Variants in FEZ2 observed in about 807,000 individuals in gnomAD.
FEZ2 encodes the protein fasciculation and elongation protein zeta-2.
Under a neutral mutation model 40.4 loss-of-function variants are expected in FEZ2, and 51 were observed. The observed-to-expected ratio is 1.26, with a 90% CI of 1.01 to 1.59. The LOEUF is 1.59. Among genes scored for constraint, FEZ2 ranks in the 40% most tolerant of loss-of-function variants. The pLI is 0.00. For synonymous variants in FEZ2, 242 were observed against 172.0 expected, an observed-to-expected ratio of 1.41 and a Z score of -3.18; for missense variants, 640 against 438.3, an observed-to-expected ratio of 1.46 and a Z score of -4.11.
In FEZ2 at chr2:36,563,721, A is replaced by C. The variant is rs534590226; in HGVS notation, c.904-5208T>G. Among the ~76,000 whole-genome samples, 8 of 152,090 alleles carry C rather than the reference A, an allele frequency of 5.3e-5. No individual in the cohort carries two copies. In the South Asian group the frequency reaches 1.2e-3, roughly 24 times the overall value. Reference sequence around the variant, plus strand: ...AACCCTCAACCTCTTTCCTTTCCCAAGGTTTTCCTGAAACAGCTCTTCCCA... The same window carrying C: ...AACCCTCAACCTCTTTCCTTTCCCACGGTTTTCCTGAAACAGCTCTTCCCA... On this transcript the variant is annotated intron_variant, in intron 5 of 7. Coordinates refer to ENST00000405912, the MANE Select transcript of FEZ2 (RefSeq NM_005102.3).
chr2:36,556,438 C>T (rs1667963507), intron 6 of FEZ2: 2 of 152,666 alleles, frequency 1.3e-5, no homozygotes, highest in Admixed American at 1.3e-4. Flanking sequence ...TTGAGATAAA[C>T]TCACAAATAT....
At position 36,552,464 on chromosome 2, in the gene FEZ2, A is replaced by G. The variant is rs200898555; in HGVS notation, c.*699T>C. The G allele has an allele frequency of 2.5e-5, 5 of 203,634 alleles. No homozygotes were observed. Among genetic ancestry groups the G allele is most frequent in the African/African-American group, 2.0e-4 (5 of 25,436 alleles). The allele number at this position is 203,634 out of a possible 1,614,324, so 12.6% of individuals were successfully genotyped here. A position where few individuals can be genotyped will look rare whatever the true frequency, so the allele number is the denominator to read the frequency against. ...CAAGCACCTCAGAGGACACACACTT[A>G]AAGTACAATTCTTCACAGACACATG... On this transcript the variant is annotated 3_prime_UTR_variant, in exon 8 of 8. Transcript: ENST00000405912.
intron 3 of FEZ2, among the ~76,000 whole-genome samples, chr2:36,582,939 G>A (rs756880170): frequency 7.9e-5 from 12 of 152,294 alleles, no homozygotes; most frequent in African/African-American, 1.4e-4. Flanking sequence ...TCTTTCTGGG[G>A]CACACAATAT....
At chr2:36,577,535 C>T (rs995050773) in intron 5 of FEZ2, among the ~76,000 whole-genome samples, 2 of 152,006 alleles carry the variant, frequency 1.3e-5, no homozygotes, top group African/African-American at 4.8e-5. Context: ...ATTACAGGCG[C>T]GAGCCACCGT....
At chr2:36,593,086 G>C (rs1669116186) in intron 1 of FEZ2, among the ~76,000 whole-genome samples, 1 of 152,174 alleles carries the variant, frequency 6.6e-6, no homozygotes, top group Admixed American at 6.5e-5. Flanking sequence ...TTCAAACACT[G>C]AATGACTGTA....
At chr2:36,597,319 C>T (rs1669256169) in intron 1 of FEZ2, among the ~76,000 whole-genome samples, 1 of 152,202 alleles carries the variant, frequency 6.6e-6, no homozygotes, top group South Asian at 2.1e-4. Flanking sequence ...TCGTTCCTTA[C>T]TCTCCCCAAG....
intron 1 of FEZ2, chr2:36,594,608 C>G (rs1669160000): frequency 6.5e-6 from 1 of 153,468 alleles, no homozygotes; most frequent in Non-Finnish European, 1.4e-5. Context: ...TTACCTCCCC[C>G]TGGATCCCTC....
At chr2:36,581,564 G>C (rs1490871230) in intron 3 of FEZ2, 133 bp from the exon 4 acceptor site, 11 of 715,800 alleles carry the variant, frequency 1.5e-5, no homozygotes, top group Non-Finnish European at 2.6e-5. Flanking sequence ...GTTCAGGTGT[G>C]GATGCTCCAA....
intron 5 of FEZ2, among the ~76,000 whole-genome samples, chr2:36,562,823 T>C (rs952030422): frequency 1.3e-5 from 2 of 152,264 alleles, no homozygotes; most frequent in Non-Finnish European, 2.9e-5. Flanking sequence ...TAAATTATTT[T>C]CATAAAATAT....
At chr2:36,581,597 G>C (rs1668750939) in intron 3 of FEZ2, 166 bp from the exon 4 acceptor site, 2 of 596,968 alleles carry the variant, frequency 3.4e-6, no homozygotes, top group African/African-American at 1.9e-5. Flanking sequence ...TTTACTGTAG[G>C]AGTGAACATG....
chr2:36,595,903 C>T (rs1343050456), intron 1 of FEZ2, among the ~76,000 whole-genome samples: 3 of 152,194 alleles, frequency 2.0e-5, no homozygotes, highest in East Asian at 1.9e-4. Context: ...ACTCTCCTGA[C>T]GGTCTAAGTG....
chr2:36,559,305 C>T (rs1668031894), intron 5 of FEZ2: 1 of 152,186 alleles, frequency 6.6e-6, no homozygotes, highest in African/African-American at 2.4e-5. Context: ...TTTTCCTGTT[C>T]TTACCATCCC....
At chr2:36,570,436 GAAACT>G (rs533914054) in intron 5 of FEZ2, among the ~76,000 whole-genome samples, 71 of 152,072 alleles carry the variant, frequency 4.7e-4, no homozygotes, top group South Asian at 8.3e-4. Context: ...TATTAATGTG[GAAACT>G]AAACTAATTA....
In FEZ2 at chr2:36,578,715, A is replaced by AT; in HGVS notation, c.784_785insA (p.Val262AspfsTer4). ...CTGTTTGTTTTGCACTTCAATAAGA[A>AT]CAGAAATAAAGCTGTTTTTCACTTC... On this transcript the variant is annotated frameshift_variant, in exon 5 of 8. Coordinates refer to ENST00000405912, the MANE Select transcript of FEZ2 (RefSeq NM_005102.3). LOFTEE classifies it high-confidence loss of function. 6.2e-7 allele frequency: 1 copy of AT among 1,613,638 alleles called. No homozygotes were observed. Among genetic ancestry groups the AT allele is most frequent in the Non-Finnish European group, 8.5e-7 (1 of 1,179,824 alleles).
chr2:36,554,173 C>G, intron 7 of FEZ2: 1 of 470,938 alleles, frequency 2.1e-6, no homozygotes. Context: ...GGCTTACAGA[C>G]AGGAGCCAGC....
intron 7 of FEZ2, among the ~76,000 whole-genome samples, chr2:36,554,938 A>C (rs541890846): frequency 6.6e-6 from 1 of 152,338 alleles, no homozygotes; most frequent in African/African-American, 2.4e-5. Context: ...ACAAAGATGC[A>C]TTTTGTGATG....
chr2:36,580,322 G>A (rs984470483), intron 4 of FEZ2, among the ~76,000 whole-genome samples: 5 of 152,190 alleles, frequency 3.3e-5, no homozygotes, highest in African/African-American at 1.2e-4. Flanking sequence ...GTATGTTGAA[G>A]CCATACAACC....
intron 5 of FEZ2, among the ~76,000 whole-genome samples, chr2:36,572,260 G>A (rs1010916939): frequency 2.6e-5 from 4 of 152,146 alleles, no homozygotes; most frequent in African/African-American, 7.2e-5. Flanking sequence ...GCTGCCACAC[G>A]TAGCTTGGAG....
At chr2:36,586,394 G>A (rs1441101818) in intron 2 of FEZ2, among the ~76,000 whole-genome samples, 1 of 152,162 alleles carries the variant, frequency 6.6e-6, no homozygotes, top group African/African-American at 2.4e-5. Flanking sequence ...CAGCACTTTG[G>A]GAGGCTGAGG....
Sources: allele counts gnomAD v4.1 joint callset (sites outside exome capture counted in the v4.1 genomes callset), GRCh38; gene constraint gnomAD v4.1.1; transcripts MANE v1.5; gene names NCBI Gene and HGNC (gene_info 2026-07-23, HGNC 2026-07-21).